Variants in ZNF274 observed in about 807,000 individuals in gnomAD.
The protein encoded by ZNF274 is zinc finger protein 274, also known as neurotrophin receptor-interacting factor homolog.
In ZNF274, 23 loss-of-function variants were observed where a neutral mutation model predicts 42.5. The observed-to-expected ratio is 0.54, with a 90% CI of 0.39 to 0.77. The LOEUF (loss-of-function observed/expected upper bound fraction) is 0.77, where lower values mean the gene tolerates loss of function less well. Ranked by LOEUF, ZNF274 falls within the 30% of genes least tolerant of loss-of-function variation. The pLI is 0.00. For synonymous variants in ZNF274, 292 were observed against 305.4 expected, an observed-to-expected ratio of 0.96 and a Z score of 0.46; for missense variants, 679 against 806.5, an observed-to-expected ratio of 0.84 and a Z score of 1.91.
intron 4 of ZNF274, among the ~76,000 whole-genome samples, chr19:58,203,115 G>C (rs2075934127): frequency 6.6e-6 from 1 of 152,176 alleles, no homozygotes; most frequent in Non-Finnish European, 1.5e-5. Context: ...TAAGTGTCAT[G>C]CATGGTTACC....
chr19:58,183,653 G>C, intron 1 of ZNF274: 1 of 309,872 alleles, frequency 3.2e-6, no homozygotes, highest in Non-Finnish European at 6.1e-6. Flanking sequence ...GCGGTGGAGA[G>C]AACAGATCGC....
At chr19:58,193,393 G>A (rs1192392342) in intron 4 of ZNF274, among the ~76,000 whole-genome samples, 2 of 148,112 alleles carry the variant, frequency 1.4e-5, no homozygotes, top group South Asian at 2.1e-4. Context: ...TGATCTGCCT[G>A]CCTTGGCCTC....
chr19:58,212,055 GAAA>G lies in ZNF274; in HGVS notation c.980-98_980-96del. On this transcript the variant is annotated intron_variant, in intron 7 of 7. Transcript: ENST00000617501. The surrounding 1 kb of genome is among the most constrained non-coding windows in gnomAD (Gnocchi z 4.6). ...CCAGGTTGCATGACTCTATTTGGGA[GAAA>G]AAAAAAATCCTGACTTTTGAACTTA... 7.6e-7 allele frequency: 1 copy of G among 1,309,240 alleles called. No individual in the cohort carries two copies. The highest frequency in any genetic ancestry group is 1.0e-6 in the Non-Finnish European group (1 of 976,120). The allele number at this position is 1,309,240 out of a possible 1,614,324, so 81.1% of individuals were successfully genotyped here. A position where few individuals can be genotyped will look rare whatever the true frequency, so the allele number is the denominator to read the frequency against.
chr19:58,184,014 C>T lies in ZNF274; in HGVS notation c.33+16C>T, dbSNP rs1027286289. 1 of 1,587,516 alleles carries T rather than the reference C, an allele frequency of 6.3e-7. No individual in the cohort carries two copies. The highest frequency in any genetic ancestry group is 8.6e-7 in the Non-Finnish European group (1 of 1,166,766). On this transcript the variant is annotated intron_variant, in intron 2 of 7. Coordinates refer to ENST00000617501, the MANE Select transcript of ZNF274 (RefSeq NM_133502.3). Reference sequence around the variant, plus strand: ...CTGGTCCTGTGTGAGTAGAGGCTTCCTTCAGCTTTTGAGTCCGCTACTGCA... The same window carrying T: ...CTGGTCCTGTGTGAGTAGAGGCTTCTTTCAGCTTTTGAGTCCGCTACTGCA...
Position 58,211,670 on chromosome 19 carries a change from G to C in ZNF274, c.963G>C (p.Gly321=). ...GCGATGTGATGCTGGAGACCTTTGG[G>C]CACCTGGTCTCTGTGGGTAAGGCTG... The part of the protein sequence containing the change: ...EYRDVMLETF[G]HLVSVGWETT... The change falls in exon 7 of 8, where the codon GGG becomes GGC. Residue 321 remains glycine (G), a synonymous_variant. Coordinates refer to ENST00000617501, the MANE Select transcript of ZNF274 (RefSeq NM_133502.3). This position sits in a 1 kb window ranked among gnomAD's most constrained non-coding sequence, Gnocchi z 4.8. 6.2e-7 allele frequency: 1 copy of C among 1,613,192 alleles called. No homozygotes were observed. Among genetic ancestry groups the C allele is most frequent in the Non-Finnish European group, 8.5e-7 (1 of 1,179,390 alleles).
At position 58,212,529 on chromosome 19, in the gene ZNF274, T is replaced by C. The variant is rs757863929; in HGVS notation, c.1348T>C (p.Leu450=). 3 of 1,613,906 alleles carry C rather than the reference T, an allele frequency of 1.9e-6. No homozygotes were observed. The highest frequency in any genetic ancestry group is 1.7e-5 in the Admixed American group (1 of 60,000). The change falls in exon 8 of 8, where the codon TTG becomes CTG. Residue 450 remains leucine (L), a synonymous_variant. Coordinates refer to ENST00000617501, the MANE Select transcript of ZNF274 (RefSeq NM_133502.3). This position sits in a 1 kb window ranked among gnomAD's most constrained non-coding sequence, Gnocchi z 4.6. ...LLHKIPPRKR[L]RKRDSQVKSM... ...CCACAAAATTCCTCCTAGAAAACGA[T>C]TGCGCAAACGTGACTCACAAGTTAA...
At chr19:58,187,821 G>A (rs1396615731) in intron 4 of ZNF274, among the ~76,000 whole-genome samples, 1 of 152,166 alleles carries the variant, frequency 6.6e-6, no homozygotes, top group Non-Finnish European at 1.5e-5. Flanking sequence ...CGCCTCCTGG[G>A]TTCAAGTGAT....
intron 4 of ZNF274, among the ~76,000 whole-genome samples, chr19:58,201,219 C>T (rs959011839): frequency 1.3e-5 from 2 of 149,410 alleles, no homozygotes; most frequent in Non-Finnish European, 3.0e-5. Flanking sequence ...GCCATGTTGC[C>T]CAGGCCGGTC....
rs1415292666 is a variant in ZNF274, at chr19:58,208,872, CCT to C, written c.740-1088_740-1087del. The C allele has an allele frequency of 2.0e-5, 3 of 152,128 alleles. No individual in the cohort carries two copies. The highest frequency in any genetic ancestry group is 7.2e-5 in the African/African-American group (3 of 41,408). 9.4% of individuals were successfully genotyped at this position (152,128 alleles called of 1,614,324 possible). The stretch of plus-strand genomic sequence containing the variant: ...ATGAGGTGAAAGTCAGTGAATTCAC[CCT>C]GTGTTTAACCTCAGGGGTGAATAAA... On this transcript the variant is annotated intron_variant, in intron 5 of 7. Transcript: ENST00000617501. The surrounding 1 kb of genome is among the most constrained non-coding windows in gnomAD (Gnocchi z 4.5).
rs574868150 is a variant in ZNF274, at chr19:58,206,125, C to G, written c.257-595C>G. On this transcript the variant is annotated intron_variant, in intron 4 of 7. Coordinates refer to ENST00000617501, the MANE Select transcript of ZNF274 (RefSeq NM_133502.3). Reference sequence around the variant, plus strand: ...TCTCCATTTCCTAACAATTACTAATCTACTTGTCTGTCTGTGGATTTTTAT... The same window carrying G: ...TCTCCATTTCCTAACAATTACTAATGTACTTGTCTGTCTGTGGATTTTTAT... 3.3e-5 allele frequency among the ~76,000 whole-genome samples: 5 copies of G among 152,260 alleles called. No homozygotes were observed. In the East Asian group the frequency reaches 9.6e-4, roughly 29 times the overall value.
chr19:58,193,140 C>T (rs1239290710), intron 4 of ZNF274, among the ~76,000 whole-genome samples: 1 of 151,476 alleles, frequency 6.6e-6, no homozygotes, highest in East Asian at 1.9e-4. Flanking sequence ...CTTTTTGTCA[C>T]TATCTTTTTT....
chr19:58,188,694 G>GTGTATATATA (rs1555816897), intron 4 of ZNF274, among the ~76,000 whole-genome samples: 5 of 74,654 alleles, frequency 6.7e-5, no homozygotes, highest in African/African-American at 1.1e-4. Flanking sequence ...ATATGTATAT[G>GTGTATATATA]TATATATATA....
chr19:58,212,595 A>G lies in ZNF274; in HGVS notation c.1414A>G (p.Ser472Gly). 1 of 1,614,062 alleles carries G rather than the reference A, an allele frequency of 6.2e-7. No homozygotes were observed. Among genetic ancestry groups the G allele is most frequent in the Non-Finnish European group, 8.5e-7 (1 of 1,179,894 alleles). The change falls in exon 8 of 8, where the codon AGC (serine) becomes GGC (glycine). Residue 472 changes from serine to glycine, a missense_variant. Physicochemically the swap from Ser to Gly is moderately conservative, Grantham distance 56. Transcript: ENST00000617501. This position sits in a 1 kb window ranked among gnomAD's most constrained non-coding sequence, Gnocchi z 4.6. ...TTCACGTGTAAAAATTCATCAGAAG[A>G]GCTGTGAAAGGCAAAAGGCCAAGGA... ...HNSRVKIHQK[S>G]CERQKAKEGN... is the part of the protein sequence containing the mutation.
chr19:58,184,085 AC>A lies in ZNF274; in HGVS notation c.33+92del, dbSNP rs1398965477. On this transcript the variant is annotated intron_variant, in intron 2 of 7. Coordinates refer to ENST00000617501, the MANE Select transcript of ZNF274 (RefSeq NM_133502.3). The stretch of plus-strand genomic sequence containing the variant: ...GGTGAGATACCACCTTCCCTGAGAT[AC>A]CCCCATCCTCCAGAGCACCTCGGGG... The A allele has an allele frequency of 1.0e-5, 15 of 1,443,660 alleles. No individual in the cohort carries two copies. In the East Asian group the frequency reaches 2.2e-4, roughly 22 times the overall value. 89.4% of individuals were successfully genotyped at this position (1,443,660 alleles called of 1,614,324 possible). A position where few individuals can be genotyped will look rare whatever the true frequency, so the allele number is the denominator to read the frequency against.
chr19:58,207,051 C>T lies in ZNF274; in HGVS notation c.588C>T (p.Ser196=). 1.2e-6 allele frequency: 2 copies of T among 1,613,450 alleles called. No individual in the cohort carries two copies. The highest frequency in any genetic ancestry group is 1.7e-6 in the Non-Finnish European group (2 of 1,179,742). Residue 196 remains serine, a synonymous_variant, in exon 5 of 8, where the codon TCC becomes TCT. Transcript: ENST00000617501. This position sits in a 1 kb window ranked among gnomAD's most constrained non-coding sequence, Gnocchi z 5.6. ...CHQWLQPKAR[S]KEQILELLVL... is the part of the protein sequence containing the mutation. ...AGTGGCTACAGCCTAAGGCACGCTC[C>T]AAGGAGCAGATCCTGGAGCTGCTGG...
At position 58,206,735 on chromosome 19, in the gene ZNF274, A is replaced by C. The variant is rs765492534; in HGVS notation, c.272A>C (p.Gln91Pro). The change falls in exon 5 of 8, where the codon CAG becomes CCG. Residue 91 changes from glutamine (Q) to proline (P), a missense_variant. This residue lies in a region of ZNF274 where 223 missense variants were observed against 216.4 expected (regional missense o/e 1.03). Coordinates refer to ENST00000617501, the MANE Select transcript of ZNF274 (RefSeq NM_133502.3). Reference sequence around the variant, plus strand: ...TGACTTACAGAGTATCCTGAGCTCCAGCTGGACCCTAAATTGGATCCTCTT... The same window carrying C: ...TGACTTACAGAGTATCCTGAGCTCCCGCTGGACCCTAAATTGGATCCTCTT... ...QDTIPEYPEL[Q>P]LDPKLDPLPA... 22 of 1,586,552 alleles carry C rather than the reference A, an allele frequency of 1.4e-5. No individual in the cohort carries two copies. Among genetic ancestry groups the C allele is most frequent in the Admixed American group, 1.8e-5 (1 of 54,948 alleles).
rs1216017541 is a variant in ZNF274, at chr19:58,209,915, G to C, written c.740-46G>C. ...GAGAGGCCACCCTTGCCCTGCCTAA[G>C]GGTCCCCACACCTGCTGACCTCCTC... On this transcript the variant is annotated intron_variant, in intron 5 of 7. Coordinates refer to ENST00000617501, the MANE Select transcript of ZNF274 (RefSeq NM_133502.3). The C allele has an allele frequency of 2.0e-6, 3 of 1,474,620 alleles. No homozygotes were observed. The South Asian group carries it at 3.6e-5, about 18-fold the overall frequency. 91.3% of individuals were successfully genotyped at this position (1,474,620 alleles called of 1,614,324 possible). A position where few individuals can be genotyped will look rare whatever the true frequency, so the allele number is the denominator to read the frequency against.
At chr19:58,194,560 T>C (rs949697331) in intron 4 of ZNF274, among the ~76,000 whole-genome samples, 57 of 151,776 alleles carry the variant, frequency 3.8e-4, no homozygotes, top group African/African-American at 9.9e-4. Context: ...TTGGACTTTT[T>C]AGTAGAGACA....
chr19:58,206,951 G>C lies in ZNF274; in HGVS notation c.488G>C (p.Arg163Thr), dbSNP rs749699590. ...GGTGACCCTGAGGCCGCGCGCCAGA[G>C]GTTCCGGCAGTTCCGTTATAAGGAC... ...HPGDPEAARQ[R>T]FRQFRYKDMT... is the part of the protein sequence containing the mutation. Residue 163 changes from arginine (R) to threonine (T), a missense_variant, in exon 5 of 8, where the codon AGG becomes ACG. Arg to Thr is a moderately conservative substitution (Grantham distance 71). Coordinates refer to ENST00000617501, the MANE Select transcript of ZNF274 (RefSeq NM_133502.3). The C allele has an allele frequency of 5.6e-6, 9 of 1,611,020 alleles. No individual in the cohort carries two copies. The highest frequency in any genetic ancestry group is 5.5e-5 in the South Asian group (5 of 90,618).
Sources: gnomAD v4.1 joint callset for allele counts (sites outside exome capture counted in the v4.1 genomes callset) on GRCh38, gnomAD v4.1.1 for gene constraint, gnomAD v4.1.1 regional missense constraint, Gnocchi (gnomAD v3.1) non-coding constraint, MANE v1.5 for transcripts, NCBI Gene and HGNC (gene_info 2026-07-23, HGNC 2026-07-21) for gene names.